Variants in NRCAM observed in about 807,000 individuals in gnomAD.
NRCAM encodes the protein neuronal cell adhesion molecule.
A neutral mutation model predicts 156.5 loss-of-function variants in NRCAM; 83 were observed. The observed-to-expected ratio is 0.53, with a 90% CI of 0.44 to 0.64. The LOEUF is 0.64. Ranked by LOEUF, NRCAM falls within the 30% of genes least tolerant of loss-of-function variation. NRCAM has a pLI of 0.00. For synonymous variants in NRCAM, 538 were observed against 563.9 expected, an observed-to-expected ratio of 0.95 and a Z score of 0.65; for missense variants, 1,417 against 1,597.3, an observed-to-expected ratio of 0.89 and a Z score of 1.92.
chr7:108,237,666 G>C (rs879405531), intron 5 of NRCAM, 86 bp downstream of exon 5: 2 of 965,092 alleles, frequency 2.1e-6, no homozygotes, highest in South Asian at 2.2e-5. Context: ...ACATGAAATT[G>C]TGCATTTAAA....
chr7:108,166,931 C>T lies in NRCAM; in HGVS notation c.3456G>A (p.Glu1152=), dbSNP rs1174783119. The change falls in exon 30 of 33, where the codon GAG becomes GAA. Residue 1152 remains glutamate (E), a synonymous_variant. Transcript: ENST00000379028. ...SGFVSSEDVF[E]TGPAMASRQV... ...TGGTGTGAGCCTCACCTGGGCCTGTCTCAAACACATCCTCTGAACTCACAA... is the reference window on the plus strand; with the variant it reads ...TGGTGTGAGCCTCACCTGGGCCTGTTTCAAACACATCCTCTGAACTCACAA... The T allele has an allele frequency of 6.2e-7, 1 of 1,613,694 alleles. No homozygotes were observed. Among genetic ancestry groups the T allele is most frequent in the Admixed American group, 1.7e-5 (1 of 59,980 alleles).
chr7:108,246,680 A>G (rs1201194213), intron 3 of NRCAM, among the ~76,000 whole-genome samples: 1 of 152,176 alleles, frequency 6.6e-6, no homozygotes, highest in Non-Finnish European at 1.5e-5. Flanking sequence ...CAGGCCTGTA[A>G]ATCTCTTGGT....
chr7:108,391,543 G>T (rs2154376418), intron 2 of NRCAM, among the ~76,000 whole-genome samples: 1 of 152,070 alleles, frequency 6.6e-6, no homozygotes, highest in Admixed American at 6.5e-5. Context: ...GCCAGTCTGT[G>T]TCTTTTAATT....
chr7:108,196,475 T>A (rs753214704), intron 14 of NRCAM, among the ~76,000 whole-genome samples: 4 of 152,108 alleles, frequency 2.6e-5, no homozygotes, highest in Non-Finnish European at 4.4e-5. Flanking sequence ...AGAACTCAAA[T>A]AATTCAATAG....
At chr7:108,244,861 T>C (rs1213186852) in intron 3 of NRCAM, among the ~76,000 whole-genome samples, 1 of 152,220 alleles carries the variant, frequency 6.6e-6, no homozygotes, top group African/African-American at 2.4e-5. Flanking sequence ...AACATCCTGA[T>C]AATAGCTCAA....
At chr7:108,358,696 C>A (rs543122235) in intron 2 of NRCAM, among the ~76,000 whole-genome samples, 1 of 152,300 alleles carries the variant, frequency 6.6e-6, no homozygotes, top group South Asian at 2.1e-4. Flanking sequence ...CCAGCGTATG[C>A]CCTGAACACT....
At chr7:108,173,024 T>C (rs1018228189) in intron 28 of NRCAM, among the ~76,000 whole-genome samples, 3 of 145,378 alleles carry the variant, frequency 2.1e-5, no homozygotes, top group African/African-American at 7.6e-5. Context: ...TTTTGCTCGT[T>C]GCCCAGGCTG....
At position 108,182,799 on chromosome 7, in the gene NRCAM, G is replaced by A. The variant is rs2064244626; in HGVS notation, c.2426C>T (p.Ser809Leu). 1.2e-6 allele frequency: 2 copies of A among 1,614,244 alleles called. No homozygotes were observed. The highest frequency in any genetic ancestry group is 1.1e-5 in the South Asian group (1 of 91,090). The change falls in exon 23 of 33, where the codon TCA (serine) becomes TTA (leucine). Residue 809 changes from serine to leucine, a missense_variant. Ser to Leu is a moderately radical substitution (Grantham distance 145). Transcript: ENST00000379028. ...GTATGGAACAAAGGTTGGCGTGCCT[G>A]AGACAATATATTTGGATACATTTGC... is the stretch of plus-strand genomic sequence containing the variant. Reference protein sequence around the residue: ...VVANVSKYIVSGTPTFVPYLI... With the variant: ...VVANVSKYIVLGTPTFVPYLI...
Position 108,232,535 on chromosome 7 carries a change from CG to C in NRCAM, c.231-14del. 1 of 1,598,008 alleles carries C rather than the reference CG, an allele frequency of 6.3e-7. No individual in the cohort carries two copies. The highest frequency in any genetic ancestry group is 8.5e-7 in the Non-Finnish European group (1 of 1,172,044). On this transcript the variant is annotated splice_polypyrimidine_tract_variant and intron_variant, in intron 6 of 32. Transcript: ENST00000379028. ...GGTCCAGGAAAAGCTGCCCAACACA[CG>C]AAGTGTTAAGTGTATTAATGGTCCA...
chr7:108,179,145 C>G (rs2062168627), intron 25 of NRCAM, among the ~76,000 whole-genome samples: 1 of 152,152 alleles, frequency 6.6e-6, no homozygotes. Context: ...GCCATAAACA[C>G]TCCCTGGAAA....
At chr7:108,234,872 A>G (rs766584707) in intron 5 of NRCAM, 184 bp from the exon 6 acceptor site, 2 of 746,846 alleles carry the variant, frequency 2.7e-6, no homozygotes, top group African/African-American at 3.4e-5. Flanking sequence ...AAAACTGTGA[A>G]GTCAAGGTTT....
intron 11 of NRCAM, among the ~76,000 whole-genome samples, chr7:108,212,024 G>C (rs1045931617): frequency 2.8e-4 from 42 of 152,170 alleles, no homozygotes; most frequent in Non-Finnish European, 5.3e-4. Context: ...CACCAGAACA[G>C]GTGCTGGTAT....
At chr7:108,176,311 A>C (rs539988988) in intron 27 of NRCAM, 119 bp downstream of exon 27, 1 of 816,484 alleles carries the variant, frequency 1.2e-6, no homozygotes, top group East Asian at 2.5e-5. Context: ...ATTACAAATA[A>C]GTGTTTGCGT....
At chr7:108,351,547 T>C (rs1174353476) in intron 2 of NRCAM, among the ~76,000 whole-genome samples, 1 of 152,162 alleles carries the variant, frequency 6.6e-6, no homozygotes, top group Non-Finnish European at 1.5e-5. Flanking sequence ...CTCTCTCCAC[T>C]GAGTATAAGA....
chr7:108,288,872 T>C (rs2098192743), intron 3 of NRCAM, among the ~76,000 whole-genome samples: 1 of 152,180 alleles, frequency 6.6e-6, no homozygotes, highest in Admixed American at 6.6e-5. Context: ...TTGGAGGAGA[T>C]ATTATTCATT....
chr7:108,383,045 C>T (rs981425188), intron 2 of NRCAM, among the ~76,000 whole-genome samples: 5 of 152,066 alleles, frequency 3.3e-5, no homozygotes, highest in Non-Finnish European at 5.9e-5. Flanking sequence ...GCTGTAATGC[C>T]CACCACAGTG....
chr7:108,368,897 C>T (rs1344294932), intron 2 of NRCAM, among the ~76,000 whole-genome samples: 2 of 152,120 alleles, frequency 1.3e-5, no homozygotes, highest in Non-Finnish European at 2.9e-5. Context: ...TGAACATGAC[C>T]TGTGTAGGAA....
chr7:108,213,195 TGAGA>T (rs1228852674), intron 11 of NRCAM, among the ~76,000 whole-genome samples: 1 of 152,180 alleles, frequency 6.6e-6, no homozygotes, highest in Non-Finnish European at 1.5e-5. Context: ...AAACAAATGC[TGAGA>T]GAATTTGCCA....
At chr7:108,189,505 A>C in intron 20 of NRCAM, 140 bp downstream of exon 20, 3 of 603,062 alleles carry the variant, frequency 5.0e-6, no homozygotes, top group Non-Finnish European at 8.7e-6. Flanking sequence ...GGAAGGACAT[A>C]AATAAATATT....
Sources: allele counts gnomAD v4.1 joint callset (sites outside exome capture counted in the v4.1 genomes callset), GRCh38; gene constraint gnomAD v4.1.1; transcripts MANE v1.5; gene names NCBI Gene and HGNC (gene_info 2026-07-23, HGNC 2026-07-21).